Variants in FAM174A observed in about 807,000 individuals in gnomAD.
FAM174A encodes family with sequence similarity 174 member A.
A neutral mutation model predicts 14.3 loss-of-function variants in FAM174A; 14 were observed. The observed-to-expected ratio is 0.98, with a 90% CI of 0.65 to 1.53. FAM174A has a LOEUF of 1.53. Among genes scored for constraint, FAM174A ranks in the 40% most tolerant of loss-of-function variants. The pLI is 0.00. For synonymous variants in FAM174A, 108 were observed against 111.4 expected (o/e 0.97, Z 0.19); for missense variants, 241 against 249.6 (o/e 0.97, Z 0.23).
At chr5:100,557,273 G>A (rs150127811) in intron 1 of FAM174A, among the ~76,000 whole-genome samples, 40,349 of 151,706 alleles carry the variant, frequency 0.27, 5,722 homozygotes, top group Admixed American at 0.37. Context: ...GCCTTGCATC[G>A]CAGGGATGAA....
chr5:100,554,496 T>C (rs1012724930), intron 1 of FAM174A, among the ~76,000 whole-genome samples: 39 of 152,004 alleles, frequency 2.6e-4, no homozygotes, highest in African/African-American at 8.9e-4. Context: ...TTTGTATTTT[T>C]ACTAGAGACA....
chr5:100,571,628 T>C (rs1420760333), intron 2 of FAM174A, among the ~76,000 whole-genome samples: 1 of 147,508 alleles, frequency 6.8e-6, no homozygotes, highest in Non-Finnish European at 1.5e-5. Context: ...TATATAAATA[T>C]ATATGTACTT....
chr5:100,536,890 A>G (rs553798287), intron 1 of FAM174A, among the ~76,000 whole-genome samples: 15 of 152,362 alleles, frequency 9.8e-5, no homozygotes, highest in African/African-American at 3.4e-4. Flanking sequence ...AAATAGTGTA[A>G]GCCAGTGGTT....
chr5:100,580,511 A>C (rs1054550510), intron 2 of FAM174A, among the ~76,000 whole-genome samples: 1 of 152,236 alleles, frequency 6.6e-6, no homozygotes, highest in African/African-American at 2.4e-5. Context: ...AGCATCCAGC[A>C]CAGGAGAAAG....
At chr5:100,545,935 C>CA (rs952977084) in intron 1 of FAM174A, among the ~76,000 whole-genome samples, 19 of 151,934 alleles carry the variant, frequency 1.3e-4, no homozygotes, top group East Asian at 3.9e-4. Context: ...TAGATGTATA[C>CA]AAAAAACCTT....
intron 2 of FAM174A, among the ~76,000 whole-genome samples, chr5:100,569,921 A>C (rs536336534): frequency 9.1e-4 from 139 of 151,934 alleles, no homozygotes; most frequent in Middle Eastern, 3.4e-3. Context: ...GTTTTGACTA[A>C]ATCGGGAATA....
intron 1 of FAM174A, among the ~76,000 whole-genome samples, chr5:100,557,018 G>A (rs1023136951): frequency 6.6e-6 from 1 of 152,138 alleles, no homozygotes; most frequent in Admixed American, 6.6e-5. Context: ...CCTGTCTTGT[G>A]CCAGTTTTCA....
chr5:100,585,532 G>A (rs1231739456), intron 2 of FAM174A, among the ~76,000 whole-genome samples: 2 of 152,122 alleles, frequency 1.3e-5, no homozygotes, highest in African/African-American at 4.8e-5. Flanking sequence ...TCCTGCCTCA[G>A]CCTCCTGAGT....
At chr5:100,550,042 A>T (rs1319337479) in intron 1 of FAM174A, among the ~76,000 whole-genome samples, 1 of 152,126 alleles carries the variant, frequency 6.6e-6, no homozygotes, top group Non-Finnish European at 1.5e-5. Flanking sequence ...TGAAAGGATA[A>T]ACTTCAGTTA....
intron 2 of FAM174A, chr5:100,581,301 C>A (rs995873216): frequency 2.4e-6 from 2 of 829,080 alleles, no homozygotes; most frequent in Non-Finnish European, 2.9e-6. Context: ...GAGTAGGAAT[C>A]CTTAGCTACT....
intron 1 of FAM174A, among the ~76,000 whole-genome samples, chr5:100,556,036 G>C (rs1267636736): frequency 6.6e-6 from 1 of 152,140 alleles, no homozygotes; most frequent in Non-Finnish European, 1.5e-5. Context: ...GTCCTGAATG[G>C]TATTGCCTAG....
chr5:100,567,561 A>T (rs1164273303), intron 2 of FAM174A, among the ~76,000 whole-genome samples: 3 of 151,922 alleles, frequency 2.0e-5, no homozygotes, highest in Non-Finnish European at 4.4e-5. Flanking sequence ...TTAAACTTAC[A>T]GAAAGTTTAC....
chr5:100,576,972 C>G (rs1040306939), intron 2 of FAM174A, among the ~76,000 whole-genome samples: 1 of 152,118 alleles, frequency 6.6e-6, no homozygotes, highest in Non-Finnish European at 1.5e-5. Flanking sequence ...AAATTACTCT[C>G]GCTTTTCTCG....
Position 100,552,341 on chromosome 5 carries a change from TTCA to T in FAM174A, c.435-9711_435-9709del, listed in dbSNP as rs528725325. ...TTAGTTATAGATTATTATTCACTGTTTCATTGTTATGTCTAACCACATGGGGGA... is the reference window on the plus strand; with the variant it reads ...TTAGTTATAGATTATTATTCACTGTTTTGTTATGTCTAACCACATGGGGGA... On this transcript the variant is annotated intron_variant, in intron 1 of 2. Coordinates refer to ENST00000312637, the MANE Select transcript of FAM174A (RefSeq NM_198507.3). Among the ~76,000 whole-genome samples the T allele has an allele frequency of 5.3e-4, 80 of 152,304 alleles. No individual in the cohort carries two copies. The Middle Eastern group carries it at 0.014, about 26-fold the overall frequency.
intron 2 of FAM174A, among the ~76,000 whole-genome samples, chr5:100,578,589 T>C (rs1428424437): frequency 6.6e-6 from 1 of 152,188 alleles, no homozygotes; most frequent in Non-Finnish European, 1.5e-5. Flanking sequence ...CCTTCTGAAA[T>C]ATTTCCAAGC....
At chr5:100,569,771 CA>C (rs1746736948) in intron 2 of FAM174A, among the ~76,000 whole-genome samples, 1 of 151,494 alleles carries the variant, frequency 6.6e-6, no homozygotes, top group Non-Finnish European at 1.5e-5. Flanking sequence ...CAATAGTGCA[CA>C]AAAATGGACA....
chr5:100,573,762 C>T (rs1029599177), intron 2 of FAM174A, among the ~76,000 whole-genome samples: 2 of 150,634 alleles, frequency 1.3e-5, no homozygotes, highest in African/African-American at 2.5e-5. Context: ...GAGCCCACAT[C>T]GCCAAGTCAA....
Position 100,561,768 on chromosome 5 carries a change from C to T in FAM174A, c.435-286C>T, listed in dbSNP as rs3776779. On this transcript the variant is annotated intron_variant, in intron 1 of 2. Transcript: ENST00000312637. The stretch of plus-strand genomic sequence containing the variant: ...CCTTTAAAAATTAAGGTTTAAAGTA[C>T]GGTACCTGAATTTAAGGCTTAAAAG... Among the ~76,000 whole-genome samples, 448 of 151,852 alleles carry T rather than the reference C, an allele frequency of 3.0e-3. 10 individuals carry two copies. In the East Asian group the frequency reaches 0.067, roughly 23 times the overall value.
rs201950259 is a variant in FAM174A at position 100,535,537 on chromosome 5, G to A, written c.7G>A (p.Ala3Thr). The A allele has an allele frequency of 1.7e-5, 28 of 1,612,738 alleles. No individual in the cohort carries two copies. The highest frequency in any genetic ancestry group is 4.2e-6 in the Non-Finnish European group (5 of 1,179,862). MK[A>T]SQCCCCLSHL... is the part of the protein sequence containing the mutation. ...AGAGAGCGGTCCGGGAACGATGAAGGCCTCGCAGTGCTGCTGCTGTCTCAG... is the reference window on the plus strand; with the variant it reads ...AGAGAGCGGTCCGGGAACGATGAAGACCTCGCAGTGCTGCTGCTGTCTCAG... Residue 3 changes from alanine to threonine, a missense_variant, in exon 1 of 3, where the codon GCC (alanine) becomes ACC (threonine). Ala to Thr is a moderately conservative substitution (Grantham distance 58, BLOSUM62 0). Coordinates refer to ENST00000312637, the MANE Select transcript of FAM174A (RefSeq NM_198507.3).
Sources: gnomAD v4.1 joint callset for allele counts (sites outside exome capture counted in the v4.1 genomes callset) on GRCh38, gnomAD v4.1.1 for gene constraint, MANE v1.5 for transcripts, NCBI Gene and HGNC (gene_info 2026-07-23, HGNC 2026-07-21) for gene names.